Variants in ABCA10 observed in about 807,000 individuals in gnomAD.
ABCA10 encodes ATP binding cassette subfamily A member 10, also known as ATP-binding cassette sub-family A member 10.
A neutral mutation model predicts 187.5 loss-of-function variants in ABCA10; 169 were observed. The observed-to-expected ratio is 0.90, with a 90% CI of 0.80 to 1.02. The LOEUF (loss-of-function observed/expected upper bound fraction) is 1.02. ABCA10 is among the 50% of genes least tolerant of loss of function. ABCA10 has a pLI of 0.00. For synonymous variants in ABCA10, 574 were observed against 601.8 expected, an observed-to-expected ratio of 0.95 and a Z score of 0.68; for missense variants, 1,727 against 1,812.4, an observed-to-expected ratio of 0.95 and a Z score of 0.86.
intron 1 of ABCA10, among the ~76,000 whole-genome samples, chr17:69,243,238 T>C (rs2074916833): frequency 6.6e-6 from 1 of 152,228 alleles, no homozygotes; most frequent in Non-Finnish European, 1.5e-5. Context: ...TGTATTTATT[T>C]GAGAATCTTG....
chr17:69,172,870 C>T (rs1247148858), intron 25 of ABCA10, among the ~76,000 whole-genome samples: 4 of 151,816 alleles, frequency 2.6e-5, no homozygotes, highest in African/African-American at 9.7e-5. Flanking sequence ...GGCATTAAAG[C>T]ATAAGAACAA....
intron 20 of ABCA10, among the ~76,000 whole-genome samples, chr17:69,184,340 C>A (rs1208710771): frequency 6.6e-6 from 1 of 152,030 alleles, no homozygotes; most frequent in Non-Finnish European, 1.5e-5. Flanking sequence ...TCCAGGCGAC[C>A]CTAGGGCAAG....
intron 12 of ABCA10, 50 bp from the exon 13 acceptor site, chr17:69,194,039 C>T (rs1295051935): frequency 6.8e-7 from 1 of 1,463,504 alleles, no homozygotes; most frequent in South Asian, 1.3e-5. Flanking sequence ...TAATTCTATG[C>T]AGAGTGATAA....
intron 1 of ABCA10, among the ~76,000 whole-genome samples, chr17:69,243,944 G>C (rs1473918311): frequency 6.6e-6 from 1 of 152,082 alleles, no homozygotes. Context: ...TTGAGAACTT[G>C]ATTTTTTAAT....
Position 69,174,730 on chromosome 17 carries a change from T to A in ABCA10, c.2925A>T (p.Ala975=). Residue 975 remains alanine, a synonymous_variant, in exon 24 of 39, where the codon GCA becomes GCT. Transcript: ENST00000690296. ...QLWISGLWPS[A]YWCGQALVDI... is the part of the protein sequence containing the mutation. Reference sequence around the variant, plus strand: ...CCACCAGAGCCTGTCCACACCAGTATGCTGAAGGCCAGAGGCCTGAAATCC... The same window carrying A: ...CCACCAGAGCCTGTCCACACCAGTAAGCTGAAGGCCAGAGGCCTGAAATCC... 6.2e-7 allele frequency: 1 copy of A among 1,608,354 alleles called. No individual in the cohort carries two copies. Among genetic ancestry groups the A allele is most frequent in the East Asian group, 2.2e-5 (1 of 44,820 alleles).
intron 9 of ABCA10, among the ~76,000 whole-genome samples, chr17:69,208,469 A>C (rs72853622): frequency 6.6e-6 from 1 of 151,682 alleles, no homozygotes; most frequent in Non-Finnish European, 1.5e-5. Context: ...AATTATGTTT[A>C]CTACAGAAAA....
At chr17:69,229,122 G>A (rs1374178655), upstream of ABCA10, among the ~76,000 whole-genome samples, 1 of 151,964 alleles carries the variant, frequency 6.6e-6, no homozygotes, top group African/African-American at 2.4e-5. Flanking sequence ...ATGGTTCCTT[G>A]TATTCACTAA....
chr17:69,149,756 C>T (rs1337259921), intron 37 of ABCA10, among the ~76,000 whole-genome samples: 1 of 152,166 alleles, frequency 6.6e-6, no homozygotes, highest in South Asian at 2.1e-4. Flanking sequence ...AGTAACCTGA[C>T]TGACTTGTGG....
At chr17:69,197,418 AG>A (rs1403041810) in intron 10 of ABCA10, among the ~76,000 whole-genome samples, 2 of 152,234 alleles carry the variant, frequency 1.3e-5, no homozygotes, top group African/African-American at 4.8e-5. Flanking sequence ...AGGGAGCGAA[AG>A]AAAAAAGGGA....
chr17:69,242,800 A>G (rs2074912772), intron 1 of ABCA10, among the ~76,000 whole-genome samples: 1 of 152,200 alleles, frequency 6.6e-6, no homozygotes, highest in Admixed American at 6.5e-5. Context: ...ACAACACAGA[A>G]GCTGGAAAGT....
In ABCA10 at chr17:69,150,061, T is replaced by C; in HGVS notation, c.4400A>G (p.Tyr1467Cys). Residue 1467 changes from tyrosine (Y) to cysteine (C), a missense_variant and splice_region_variant, in exon 37 of 39, where the codon TAT (tyrosine) becomes TGT (cysteine). By Grantham distance (194) the Tyr-to-Cys change is radical (BLOSUM62 -2). Transcript: ENST00000690296. ...LFPQAAWQER[Y>C]SSLMAYKLPV... The stretch of plus-strand genomic sequence containing the variant: ...TAACTTATACGCCATTAAAGAGGAA[T>C]ATCTGTCAGGAAGAAGAGTGAGATT... 1 of 1,608,994 alleles carries C rather than the reference T, an allele frequency of 6.2e-7. No homozygotes were observed. The highest frequency in any genetic ancestry group is 8.5e-7 in the Non-Finnish European group (1 of 1,176,400).
At position 69,148,644 on chromosome 17, in the gene ABCA10, A is replaced by G. The variant is rs1475993803; in HGVS notation, c.*183T>C. The G allele has an allele frequency of 1.8e-6, 1 of 568,400 alleles. No individual in the cohort carries two copies. Among genetic ancestry groups the G allele is most frequent in the Non-Finnish European group, 3.0e-6 (1 of 329,414 alleles). The allele number at this position is 568,400 out of a possible 1,614,324, so 35.2% of individuals were successfully genotyped here. A position where few individuals can be genotyped will look rare whatever the true frequency, so the allele number is the denominator to read the frequency against. The stretch of plus-strand genomic sequence containing the variant: ...TCTGATTTTGTTAATTTTGTCTACT[A>G]CTTTTCCCTATATTTCCTTGTTTCC... On this transcript the variant is annotated 3_prime_UTR_variant, in exon 39 of 39. Coordinates refer to ENST00000690296, the MANE Select transcript of ABCA10 (RefSeq NM_001377321.1).
At chr17:69,211,681 G>A (rs1315807127) in intron 9 of ABCA10, among the ~76,000 whole-genome samples, 1 of 151,904 alleles carries the variant, frequency 6.6e-6, no homozygotes, top group Non-Finnish European at 1.5e-5. Context: ...GGTCTGTTCA[G>A]GGTTTCTATT....
chr17:69,214,750 A>T lies in ABCA10; in HGVS notation c.960T>A (p.Thr320=). The stretch of plus-strand genomic sequence containing the variant: ...ATAATGTGAATATCAAATAGAAAAG[A>T]GTATCAAATGCCAAAATGAAAAAAG... ...IATFFILAFD[T]LFYLIFTLYF... The change falls in exon 9 of 39, where the codon ACT becomes ACA. Residue 320 remains threonine, a synonymous_variant. Coordinates refer to ENST00000690296, the MANE Select transcript of ABCA10 (RefSeq NM_001377321.1). The T allele has an allele frequency of 6.6e-7, 1 of 1,520,506 alleles. No individual in the cohort carries two copies. Among genetic ancestry groups the T allele is most frequent in the Non-Finnish European group, 8.8e-7 (1 of 1,142,728 alleles). The allele number at this position is 1,520,506 out of a possible 1,614,324, so 94.2% of individuals were successfully genotyped here. A position where few individuals can be genotyped will look rare whatever the true frequency, so the allele number is the denominator to read the frequency against.
intron 22 of ABCA10, among the ~76,000 whole-genome samples, chr17:69,179,971 G>A (rs2074366622): frequency 1.3e-5 from 2 of 152,130 alleles, no homozygotes; most frequent in African/African-American, 4.8e-5. Flanking sequence ...AAAGTTGCAA[G>A]ATAATTTTTA....
chr17:69,210,847 C>CATATATAGATATATATATATATATATAT (rs2074640713), intron 9 of ABCA10, among the ~76,000 whole-genome samples: 1 of 37,892 alleles, frequency 2.6e-5, no homozygotes, highest in Non-Finnish European at 9.2e-5. Context: ...ATTTATGCCA[C>CATATATAGATATATATATATATATATAT]ATATATATAT....
chr17:69,162,838 C>CATATACATATATATAT (rs375141032), intron 27 of ABCA10, among the ~76,000 whole-genome samples: 4 of 120,838 alleles, frequency 3.3e-5, no homozygotes, highest in African/African-American at 7.4e-5. Context: ...TATACATATA[C>CATATACATATATATAT]ATATATATAT....
chr17:69,185,186 T>C (rs973668417), intron 20 of ABCA10, among the ~76,000 whole-genome samples: 2 of 152,040 alleles, frequency 1.3e-5, no homozygotes, highest in African/African-American at 2.4e-5. Context: ...AGACTACACA[T>C]TGAGTGTAGT....
rs140000472 is a variant in ABCA10 at position 69,210,081 on chromosome 17, TTTATTA to T, written c.1006+4617_1006+4622del. On this transcript the variant is annotated intron_variant, in intron 9 of 38. Transcript: ENST00000690296. The stretch of plus-strand genomic sequence containing the variant: ...CCATCTGTAGAGCTTATGCTATTAC[TTTATTA>T]TTATTATTATTATTATTATTTCAAT... Among the ~76,000 whole-genome samples, 123 of 146,888 alleles carry T rather than the reference TTTATTA, an allele frequency of 8.4e-4. 2 individuals are homozygous for T. The highest frequency in any genetic ancestry group is 2.2e-3 in the African/African-American group (88 of 39,872).
Sources: allele counts gnomAD v4.1 joint callset (sites outside exome capture counted in the v4.1 genomes callset), GRCh38; gene constraint gnomAD v4.1.1; transcripts MANE v1.5; gene names NCBI Gene and HGNC (gene_info 2026-07-23, HGNC 2026-07-21).